Variants in SLC35F4 observed in about 807,000 individuals in gnomAD.
SLC35F4 encodes the protein chromosome 14 open reading frame 36.
A neutral mutation model predicts 44.2 loss-of-function variants in SLC35F4; 24 were observed. That is an observed-to-expected ratio of 0.54 (90% confidence interval 0.39 to 0.76). The LOEUF is 0.76. Among genes scored for constraint, SLC35F4 ranks in the 30% least tolerant of loss-of-function variants. The pLI is 0.00. For synonymous variants in SLC35F4, 238 were observed against 223.6 expected, an observed-to-expected ratio of 1.06 and a Z score of -0.57; for missense variants, 562 against 586.1, an observed-to-expected ratio of 0.96 and a Z score of 0.42.
At chr14:57,780,572 A>G (rs541010161) in intron 1 of SLC35F4, among the ~76,000 whole-genome samples, 2 of 152,288 alleles carry the variant, frequency 1.3e-5, no homozygotes, top group South Asian at 4.1e-4. Context: ...TTCTTCACAG[A>G]ACTAGAAAGA....
At chr14:57,621,024 C>A (rs2072148289) in intron 1 of SLC35F4, among the ~76,000 whole-genome samples, 1 of 151,158 alleles carries the variant, frequency 6.6e-6, no homozygotes, top group Admixed American at 6.6e-5. Flanking sequence ...ACACCAATAA[C>A]AGACAAACAG....
intron 1 of SLC35F4, among the ~76,000 whole-genome samples, chr14:57,911,341 G>A (rs777594562): frequency 2.5e-4 from 38 of 152,006 alleles, no homozygotes; most frequent in Non-Finnish European, 3.5e-4. Flanking sequence ...AGTGGTAAGC[G>A]GGGACATCTT....
upstream of SLC35F4, among the ~76,000 whole-genome samples, chr14:57,867,604 C>CA (rs921797737): frequency 6.7e-6 from 1 of 149,908 alleles, no homozygotes; most frequent in African/African-American, 2.5e-5. Context: ...GCCTTTACAC[C>CA]CCCCCCCACG....
chr14:57,683,709 C>G (rs756841011), intron 1 of SLC35F4, among the ~76,000 whole-genome samples: 1 of 152,134 alleles, frequency 6.6e-6, no homozygotes, highest in Non-Finnish European at 1.5e-5. Flanking sequence ...TAAAATTGGT[C>G]TACTCCAGTT....
intron 1 of SLC35F4, among the ~76,000 whole-genome samples, chr14:57,879,279 G>C (rs1448613082): frequency 6.6e-6 from 1 of 152,014 alleles, no homozygotes; most frequent in Admixed American, 6.6e-5. Flanking sequence ...AGAAAACATA[G>C]GTTCTATCCT....
chr14:57,937,017 C>G (rs960314468), intron 1 of SLC35F4, among the ~76,000 whole-genome samples: 3 of 151,174 alleles, frequency 2.0e-5, no homozygotes, highest in Non-Finnish European at 2.9e-5. Flanking sequence ...AAAAATTGAG[C>G]TTTAGCCTTA....
intron 1 of SLC35F4, among the ~76,000 whole-genome samples, chr14:57,781,975 C>T (rs770763635): frequency 3.3e-5 from 5 of 152,110 alleles, no homozygotes; most frequent in Non-Finnish European, 7.4e-5. Flanking sequence ...AGGTTTAATA[C>T]CTGGGTGATA....
chr14:57,594,422 G>C (rs1279773672), intron 1 of SLC35F4, among the ~76,000 whole-genome samples: 1 of 152,060 alleles, frequency 6.6e-6, no homozygotes, highest in African/African-American at 2.4e-5. Context: ...AGATTTTAAA[G>C]GCCTGAACAG....
At chr14:57,844,796 C>G (rs1195596567) in intron 1 of SLC35F4, among the ~76,000 whole-genome samples, 1 of 152,102 alleles carries the variant, frequency 6.6e-6, no homozygotes, top group Non-Finnish European at 1.5e-5. Context: ...GCGGGCATCC[C>G]CTTGTCCTGA....
chr14:57,593,022 AGG>A (rs1306067947), intron 2 of SLC35F4, among the ~76,000 whole-genome samples: 1 of 152,224 alleles, frequency 6.6e-6, no homozygotes, highest in Non-Finnish European at 1.5e-5. Flanking sequence ...TCATGGACAC[AGG>A]TAGGGGGCTA....
intron 1 of SLC35F4, among the ~76,000 whole-genome samples, chr14:57,804,209 G>C (rs10151363): frequency 0.42 from 63,173 of 151,970 alleles, 14,244 homozygotes; most frequent in African/African-American, 0.59. Context: ...GTAATTTACA[G>C]ATTCAATGTT....
chr14:57,760,394 G>GT (rs2077096865), intron 1 of SLC35F4, among the ~76,000 whole-genome samples: 1 of 152,124 alleles, frequency 6.6e-6, no homozygotes, highest in Non-Finnish European at 1.5e-5. Flanking sequence ...CTAAATGTCT[G>GT]TTTTTATGCC....
chr14:57,888,983 T>C (rs1353003292), intron 1 of SLC35F4, among the ~76,000 whole-genome samples: 1 of 152,236 alleles, frequency 6.6e-6, no homozygotes, highest in Non-Finnish European at 1.5e-5. Flanking sequence ...GTCCTCATGC[T>C]AGTCACTGGG....
intron 1 of SLC35F4, among the ~76,000 whole-genome samples, chr14:57,791,492 G>C (rs1018080967): frequency 6.6e-6 from 1 of 152,180 alleles, no homozygotes; most frequent in South Asian, 2.1e-4. Flanking sequence ...AGATGCTGGA[G>C]AGGATGTGGA....
At chr14:57,863,263 A>C (rs1382607689) in intron 1 of SLC35F4, among the ~76,000 whole-genome samples, 1 of 152,236 alleles carries the variant, frequency 6.6e-6, no homozygotes, top group Non-Finnish European at 1.5e-5. Flanking sequence ...ATTGCCCATT[A>C]AAGTACCTTC....
At chr14:57,880,327 A>T (rs562912439) in intron 1 of SLC35F4, among the ~76,000 whole-genome samples, 1 of 152,168 alleles carries the variant, frequency 6.6e-6, no homozygotes, top group Non-Finnish European at 1.5e-5. Context: ...TATGGGTGGA[A>T]TAAGGACTGA....
chr14:57,939,813 G>GT (rs1309015018), intron 1 of SLC35F4, among the ~76,000 whole-genome samples: 1 of 152,160 alleles, frequency 6.6e-6, no homozygotes, highest in African/African-American at 2.4e-5. Flanking sequence ...AAGTTATAGA[G>GT]TAAGTTACAT....
chr14:57,630,981 A>C (rs2072743249), intron 1 of SLC35F4: 1 of 327,422 alleles, frequency 3.1e-6, no homozygotes, highest in South Asian at 1.2e-4. Context: ...GGTTGACCAT[A>C]ATTTGCAACA....
intron 1 of SLC35F4, among the ~76,000 whole-genome samples, chr14:57,666,517 A>C (rs2074314472): frequency 6.6e-6 from 1 of 152,168 alleles, no homozygotes; most frequent in Non-Finnish European, 1.5e-5. Context: ...TGCTTAATTA[A>C]CAGCTTCATT....
Sources: gnomAD v4.1 joint callset for allele counts (sites outside exome capture counted in the v4.1 genomes callset) on GRCh38, gnomAD v4.1.1 for gene constraint, MANE v1.5 for transcripts, NCBI Gene and HGNC (gene_info 2026-07-23, HGNC 2026-07-21) for gene names.